AIG1: variants seen among roughly 807,000 people sequenced by gnomAD.
AIG1 encodes androgen-induced gene 1 protein.
Under a neutral mutation model 31.4 loss-of-function variants are expected in AIG1, and 23 were observed. The ratio of observed to expected loss-of-function variants is 0.73; its 90% CI spans 0.53 to 1.04. The LOEUF (loss-of-function observed/expected upper bound fraction) is 1.04. AIG1 is among the 50% of genes least tolerant of loss of function. The probability of loss-of-function intolerance (pLI) is 0.00; values close to 1 mark genes in which losing one functional copy is unlikely to be tolerated. For missense variants in AIG1, 274 were observed against 295.0 expected (o/e 0.93, Z 0.52); for synonymous variants, 100 against 110.5 (o/e 0.90, Z 0.60).
chr6:143,263,197 A>G (rs1795927602), intron 3 of AIG1, among the ~76,000 whole-genome samples: 2 of 152,176 alleles, frequency 1.3e-5, no homozygotes, highest in African/African-American at 4.8e-5. Flanking sequence ...TAGCAAAGCA[A>G]AAGTCATCAC....
chr6:143,253,139 C>T (rs145970590), intron 3 of AIG1, among the ~76,000 whole-genome samples: 2 of 152,296 alleles, frequency 1.3e-5, no homozygotes, highest in East Asian at 1.9e-4. Flanking sequence ...CTAGGCCAGC[C>T]GCACTCGAGG....
At chr6:143,116,548 A>G (rs901848819) in intron 1 of AIG1, among the ~76,000 whole-genome samples, 3 of 151,776 alleles carry the variant, frequency 2.0e-5, no homozygotes, top group Non-Finnish European at 2.9e-5. Context: ...AAGGCAGTGA[A>G]GGAAGCTATG....
chr6:143,079,388 G>A (rs1050145056), intron 1 of AIG1, among the ~76,000 whole-genome samples: 2 of 152,150 alleles, frequency 1.3e-5, no homozygotes, highest in South Asian at 4.1e-4. Context: ...GGGGAAGAAA[G>A]GAGAGTAAAA....
At chr6:143,289,411 G>T (rs1477132824) in intron 4 of AIG1, among the ~76,000 whole-genome samples, 1 of 152,212 alleles carries the variant, frequency 6.6e-6, no homozygotes, top group Non-Finnish European at 1.5e-5. Flanking sequence ...CTCCAAAAAG[G>T]AGAGGGTACA....
At chr6:143,270,024 G>GATGTAAACACTGGATACAAAAA (rs1796401747) in intron 3 of AIG1, among the ~76,000 whole-genome samples, 1 of 152,194 alleles carries the variant, frequency 6.6e-6, no homozygotes, top group Non-Finnish European at 1.5e-5. Flanking sequence ...AGGAAGGGCA[G>GATGTAAACACTGGATACAAAAA]ATGTAAACAC....
intron 4 of AIG1, among the ~76,000 whole-genome samples, chr6:143,290,479 A>C (rs1226541660): frequency 1.3e-5 from 2 of 152,198 alleles, no homozygotes; most frequent in Non-Finnish European, 2.9e-5. Flanking sequence ...GCGCATGCTC[A>C]CTTGAGGCAT....
intron 2 of AIG1, among the ~76,000 whole-genome samples, chr6:143,143,290 A>C (rs1356155345): frequency 6.6e-6 from 1 of 150,908 alleles, no homozygotes; most frequent in African/African-American, 2.4e-5. Context: ...AGGTCAGGAG[A>C]TCGAGACCAT....
rs1173529202 is a variant in AIG1 at position 143,194,513 on chromosome 6, T to A, written c.399+29330T>A. Among the ~76,000 whole-genome samples the A allele has an allele frequency of 3.9e-5, 6 of 152,334 alleles. 1 individual carries two copies. In the East Asian group the frequency reaches 1.2e-3, roughly 29 times the overall value. ...AAAGTCCTCTGCAAACTGCTGTTTT[T>A]AAATATGAGACATTCTCTTGTCAGG... is the stretch of plus-strand genomic sequence containing the variant. On this transcript the variant is annotated intron_variant, in intron 3 of 5. Transcript: ENST00000357847.
At chr6:143,225,741 G>C (rs1022976332) in intron 3 of AIG1, among the ~76,000 whole-genome samples, 2 of 152,134 alleles carry the variant, frequency 1.3e-5, no homozygotes, top group Admixed American at 1.3e-4. Context: ...TACAACTCAG[G>C]TATTGGAAAA....
At chr6:143,179,071 G>A (rs1346718408) in intron 3 of AIG1, among the ~76,000 whole-genome samples, 1 of 152,102 alleles carries the variant, frequency 6.6e-6, no homozygotes, top group Admixed American at 6.5e-5. Context: ...TTGGGGGCTT[G>A]AGTAGAGTAC....
In AIG1 at chr6:143,105,913, G is replaced by A. The variant is rs1313774357; in HGVS notation, c.142-30922G>A. On this transcript the variant is annotated intron_variant, in intron 1 of 5. Coordinates refer to ENST00000357847, the MANE Select transcript of AIG1 (RefSeq NM_016108.4). Reference sequence around the variant, plus strand: ...ATTATGGAAATGGTGGCTTTTCCACGAGGATGCCCAAAGGTCTGGTGAATG... The same window carrying A: ...ATTATGGAAATGGTGGCTTTTCCACAAGGATGCCCAAAGGTCTGGTGAATG... Among the ~76,000 whole-genome samples, 7 of 152,354 alleles carry A rather than the reference G, an allele frequency of 4.6e-5. No homozygotes were observed. In the East Asian group the frequency reaches 1.2e-3, roughly 25 times the overall value.
intron 1 of AIG1, among the ~76,000 whole-genome samples, chr6:143,068,641 G>A (rs948686095): frequency 3.3e-5 from 5 of 152,152 alleles, no homozygotes; most frequent in African/African-American, 1.2e-4. Context: ...TAGAAAATTT[G>A]TGCAAATACA....
chr6:143,311,024 G>T (rs2128706930), intron 4 of AIG1, among the ~76,000 whole-genome samples: 1 of 152,050 alleles, frequency 6.6e-6, no homozygotes, highest in East Asian at 1.9e-4. Context: ...ATTTAAGGAA[G>T]AAATGATACC....
At chr6:143,222,460 G>T (rs376418239) in intron 3 of AIG1, among the ~76,000 whole-genome samples, 2 of 152,026 alleles carry the variant, frequency 1.3e-5, no homozygotes, top group African/African-American at 2.4e-5. Context: ...GTAGTGTGGC[G>T]TGATAAGAAA....
chr6:143,102,550 A>G (rs1397318671), intron 1 of AIG1, among the ~76,000 whole-genome samples: 1 of 147,808 alleles, frequency 6.8e-6, no homozygotes, highest in Non-Finnish European at 1.5e-5. Flanking sequence ...TATAGTATAT[A>G]AAAGATAATG....
intron 3 of AIG1, among the ~76,000 whole-genome samples, chr6:143,250,854 CATT>C (rs1263039976): frequency 6.6e-6 from 1 of 152,154 alleles, no homozygotes. Flanking sequence ...CATCAGCAAT[CATT>C]AGTGTATTTT....
At position 143,077,876 on chromosome 6, in the gene AIG1, C is replaced by T. The variant is rs1315678589; in HGVS notation, c.141+16810C>T. On this transcript the variant is annotated intron_variant, in intron 1 of 5. Transcript: ENST00000357847. ...TTGAAGCCGCCACTTAATATTAACACTTGGTAGATGTAGTATGACTATTCT... is the reference window on the plus strand; with the variant it reads ...TTGAAGCCGCCACTTAATATTAACATTTGGTAGATGTAGTATGACTATTCT... 3.9e-5 allele frequency among the ~76,000 whole-genome samples: 6 copies of T among 152,338 alleles called. No individual in the cohort carries two copies. In the East Asian group the frequency reaches 7.7e-4, roughly 20 times the overall value.
At chr6:143,229,155 C>A (rs1793239347) in intron 3 of AIG1, among the ~76,000 whole-genome samples, 1 of 152,234 alleles carries the variant, frequency 6.6e-6, no homozygotes, top group Non-Finnish European at 1.5e-5. Context: ...GACAGCAGCT[C>A]TGTTTCTTGC....
At chr6:143,312,216 A>C (rs1034606583) in intron 4 of AIG1, among the ~76,000 whole-genome samples, 5 of 152,156 alleles carry the variant, frequency 3.3e-5, no homozygotes, top group Admixed American at 6.5e-5. Context: ...GCAATGCTAA[A>C]ATTTATGTGA....
Sources: gnomAD v4.1 joint callset for allele counts (sites outside exome capture counted in the v4.1 genomes callset) on GRCh38, gnomAD v4.1.1 for gene constraint, MANE v1.5 for transcripts, NCBI Gene and HGNC (gene_info 2026-07-23, HGNC 2026-07-21) for gene names.